The following BTBD3 variants were observed in gnomAD, a reference collection of about 807,000 sequenced individuals.
BTBD3 encodes BTB domain containing 3.
Under a neutral mutation model 41.6 loss-of-function variants are expected in BTBD3, and 14 were observed. The ratio of observed to expected loss-of-function variants is 0.34; its 90% CI spans 0.22 to 0.53. BTBD3 has a LOEUF of 0.53. BTBD3 is among the 20% of genes least tolerant of loss of function. The pLI is 0.95. For missense variants in BTBD3, 426 were observed against 654.7 expected, an observed-to-expected ratio of 0.65 and a Z score of 3.81; for synonymous variants, 249 against 233.7, an observed-to-expected ratio of 1.07 and a Z score of -0.60.
intron 1 of BTBD3, among the ~76,000 whole-genome samples, chr20:11,893,574 C>A (rs1294922234): frequency 6.6e-6 from 1 of 152,216 alleles, no homozygotes; most frequent in Non-Finnish European, 1.5e-5. Flanking sequence ...TGTCCAGTCT[C>A]AAATTCCTTG....
chr20:11,914,746 A>G (rs1168829249), upstream of BTBD3, among the ~76,000 whole-genome samples: 3 of 152,216 alleles, frequency 2.0e-5, no homozygotes, highest in South Asian at 2.1e-4. Flanking sequence ...GATTATGACC[A>G]ACATTGAAAA....
chr20:11,922,916 C>A lies in BTBD3; in HGVS notation c.819C>A (p.Leu273=). The change falls in exon 4 of 4, where the codon CTC becomes CTA. Residue 273 remains leucine, a synonymous_variant. Transcript: ENST00000378226. The part of the protein sequence containing the change: ...DIDFQTLESI[L]RRETLNAKEI... Reference sequence around the variant, plus strand: ...ACTTCCAGACACTAGAAAGTATTCTCCGTAGGGAAACTCTGAATGCCAAAG... The same window carrying A: ...ACTTCCAGACACTAGAAAGTATTCTACGTAGGGAAACTCTGAATGCCAAAG... 1 of 1,614,236 alleles carries A rather than the reference C, an allele frequency of 6.2e-7. No homozygotes were observed. Among genetic ancestry groups the A allele is most frequent in the Admixed American group, 1.7e-5 (1 of 60,034 alleles).
At position 11,904,847 on chromosome 20, in the gene BTBD3, A is replaced by G. The variant is rs140464838; in HGVS notation, c.-125-13487A>G. Among the ~76,000 whole-genome samples the G allele has an allele frequency of 8.5e-3, 1,293 of 152,340 alleles. 15 individuals are homozygous for G. Among genetic ancestry groups the G allele is most frequent in the African/African-American group, 0.03 (1,228 of 41,584 alleles). Reference sequence around the variant, plus strand: ...AAGGTTAATTGCCATGTGGAATCTAAAACCATATCGATGAACGTTTTGTAC... The same window carrying G: ...AAGGTTAATTGCCATGTGGAATCTAGAACCATATCGATGAACGTTTTGTAC... On this transcript the variant is annotated intron_variant, in intron 1 of 4. Transcript: ENST00000254977.
exon 1 of BTBD3, chr20:11,890,870 G>C: frequency 1.0e-6 from 1 of 985,100 alleles, no homozygotes; most frequent in Non-Finnish European, 1.2e-6. Flanking sequence ...CTGGATCTCC[G>C]AGTGCCCCGG....
Position 11,924,602 on chromosome 20 carries a change from T to G in BTBD3, c.*936T>G, listed in dbSNP as rs563525682. ...TATAAGTCATACTGTGTAGAATTTC[T>G]ATTTTCTTTTTCCCCATTAAAAGAG... On this transcript the variant is annotated 3_prime_UTR_variant, in exon 4 of 4. Coordinates refer to ENST00000378226, the MANE Select transcript of BTBD3 (RefSeq NM_014962.4). The G allele has an allele frequency of 6.5e-6, 1 of 152,674 alleles. No individual in the cohort carries two copies. The highest frequency in any genetic ancestry group is 2.4e-5 in the African/African-American group (1 of 41,464). 9.5% of individuals were successfully genotyped at this position (152,674 alleles called of 1,614,324 possible).
rs1483190945 is a variant in BTBD3 at position 11,924,668 on chromosome 20, T to A, written c.*1002T>A. On this transcript the variant is annotated 3_prime_UTR_variant, in exon 4 of 4. Transcript: ENST00000378226. ...TATACAAATGGAGTAGCAACTAGTT[T>A]TGTAGCACTACATTTAATGTAATGA... 6.5e-6 allele frequency: 1 copy of A among 152,678 alleles called. No individual in the cohort carries two copies. Among genetic ancestry groups the A allele is most frequent in the Non-Finnish European group, 1.5e-5 (1 of 68,048 alleles). The allele number at this position is 152,678 out of a possible 1,614,324, so 9.5% of individuals were successfully genotyped here. A position where few individuals can be genotyped will look rare whatever the true frequency, so the allele number is the denominator to read the frequency against.
rs142502423 is a variant in BTBD3, at chr20:11,918,527, C to A, written c.252C>A (p.His84Gln). 1,158 of 1,614,138 alleles carry A rather than the reference C, an allele frequency of 7.2e-4. 10 individuals are homozygous for A. The African/African-American group carries it at 0.014, about 20-fold the overall frequency. ...NSSSTSVQQY[H>Q]QQNLSNNNLI... ...GCAGCACCAGCGTCCAGCAGTACCA[C>A]CAGCAGAATCTCAGTAACAACAACC... is the stretch of plus-strand genomic sequence containing the variant. Residue 84 changes from histidine to glutamine, a missense_variant, in exon 1 of 4, where the codon CAC becomes CAA. Physicochemically the swap from His to Gln is conservative, Grantham distance 24. Around this residue, in one of 3 missense-constraint regions of BTBD3, gnomAD observed 52 missense variants for 45.1 expected, o/e 1.15. Coordinates refer to ENST00000378226, the MANE Select transcript of BTBD3 (RefSeq NM_014962.4).
chr20:11,920,506 T>A (rs1439350496), intron 3 of BTBD3, among the ~76,000 whole-genome samples: 1 of 152,200 alleles, frequency 6.6e-6, no homozygotes, highest in Admixed American at 6.5e-5. Flanking sequence ...AAAGATACGT[T>A]ATATATTTAT....
intron 1 of BTBD3, chr20:11,910,054 AT>A (rs1229620552): frequency 1.3e-5 from 2 of 152,150 alleles, no homozygotes; most frequent in East Asian, 3.9e-4. Context: ...GATGTAGAAT[AT>A]CTGGTGATTT....
At chr20:11,915,512 G>A (rs1002423262), upstream of BTBD3, among the ~76,000 whole-genome samples, 3 of 152,094 alleles carry the variant, frequency 2.0e-5, no homozygotes, top group East Asian at 1.9e-4. Context: ...CTTGAATACT[G>A]TATGAAATGC....
At chr20:11,919,552 T>C (rs548161432) in intron 2 of BTBD3, 166 bp from the exon 3 acceptor site, 1 of 1,124,224 alleles carries the variant, frequency 8.9e-7, no homozygotes, top group Non-Finnish European at 1.2e-6. Flanking sequence ...AGCATGGTCT[T>C]ATGCTTCCAT....
intron 1 of BTBD3, among the ~76,000 whole-genome samples, chr20:11,893,774 A>C (rs995520679): frequency 6.6e-6 from 1 of 152,140 alleles, no homozygotes; most frequent in South Asian, 2.1e-4. Context: ...TCATCTAAAA[A>C]GAAACAACTG....
At chr20:11,892,381 C>A (rs1393978339) in intron 1 of BTBD3, 1 of 152,206 alleles carries the variant, frequency 6.6e-6, no homozygotes, top group Non-Finnish European at 1.5e-5. Flanking sequence ...GAGGATCTTC[C>A]TCCCCCACAG....
chr20:11,915,402 A>G (rs960403125), upstream of BTBD3, among the ~76,000 whole-genome samples: 2 of 152,196 alleles, frequency 1.3e-5, no homozygotes, highest in African/African-American at 4.8e-5. Context: ...TTTTCAATTC[A>G]CTTAATAGTT....
In BTBD3 at chr20:11,923,483, G is replaced by A. The variant is rs755881827; in HGVS notation, c.1386G>A (p.Glu462=). 6.2e-7 allele frequency: 1 copy of A among 1,614,174 alleles called. No homozygotes were observed. Among genetic ancestry groups the A allele is most frequent in the South Asian group, 1.1e-5 (1 of 91,076 alleles). The part of the protein sequence containing the change: ...PVWFEYPVQI[E]PDTFYTASVI... ...GGTTTGAATACCCAGTGCAGATCGAGCCAGACACCTTCTACACAGCCAGTG... is the reference window on the plus strand; with the variant it reads ...GGTTTGAATACCCAGTGCAGATCGAACCAGACACCTTCTACACAGCCAGTG... The change falls in exon 4 of 4, where the codon GAG becomes GAA. Residue 462 remains glutamate, a synonymous_variant. Transcript: ENST00000378226. The surrounding 1 kb of genome is among the most constrained non-coding windows in gnomAD (Gnocchi z 5.3).
intron 1 of BTBD3, among the ~76,000 whole-genome samples, chr20:11,908,321 G>GTTTGTTTTTTTTTTTTT (rs2056868649): frequency 1.3e-5 from 1 of 77,074 alleles, no homozygotes; most frequent in Non-Finnish European, 2.5e-5. Flanking sequence ...CTTCTCTGTG[G>GTTTGTTTTTTTTTTTTT]TTTTTTTTTT....
At position 11,901,603 on chromosome 20, in the gene BTBD3, G is replaced by T. The variant is rs185397251; in HGVS notation, c.-126+10649G>T. 2.7e-4 allele frequency among the ~76,000 whole-genome samples: 41 copies of T among 152,264 alleles called. 1 individual carries two copies. The Middle Eastern group carries it at 0.01, about 38-fold the overall frequency. On this transcript the variant is annotated intron_variant, in intron 1 of 4. Coordinates refer to the BTBD3 transcript ENST00000254977. ...TTCAATAAGTATTTCTGTGGGATCA[G>T]CTCACGCGTACTTGAAATGTTTTAT...
At chr20:11,898,670 A>G (rs763732902) in intron 1 of BTBD3, among the ~76,000 whole-genome samples, 1 of 151,204 alleles carries the variant, frequency 6.6e-6, no homozygotes, top group Non-Finnish European at 1.5e-5. Context: ...GCCTTCTCCA[A>G]TTTTTTTTTC....
chr20:11,905,994 A>G (rs1437401903), intron 1 of BTBD3, among the ~76,000 whole-genome samples: 1 of 152,156 alleles, frequency 6.6e-6, no homozygotes, highest in Non-Finnish European at 1.5e-5. Flanking sequence ...AATTTACCTC[A>G]CCCTGCCTTC....
Sources: gnomAD v4.1 joint callset for allele counts (sites outside exome capture counted in the v4.1 genomes callset) on GRCh38, gnomAD v4.1.1 for gene constraint, gnomAD v4.1.1 regional missense constraint, Gnocchi (gnomAD v3.1) non-coding constraint, MANE v1.5 for transcripts, NCBI Gene and HGNC (gene_info 2026-07-23, HGNC 2026-07-21) for gene names.